SOX5: variants seen among roughly 807,000 people sequenced by gnomAD.
SOX5 encodes the protein SRY-box transcription factor 5.
In SOX5, 9 loss-of-function variants were observed where a neutral mutation model predicts 92.0. The observed-to-expected ratio is 0.10, with a 90% CI of 0.06 to 0.17. The LOEUF is 0.17. Among genes scored for constraint, SOX5 ranks in the 10% least tolerant of loss-of-function variants. The pLI is 1.00. For missense variants in SOX5, 642 were observed against 944.5 expected, an observed-to-expected ratio of 0.68 and a Z score of 4.20; for synonymous variants, 344 against 336.3, an observed-to-expected ratio of 1.02 and a Z score of -0.25.
At chr12:23,777,343 G>A (rs2095135989) in intron 3 of SOX5, among the ~76,000 whole-genome samples, 1 of 152,058 alleles carries the variant, frequency 6.6e-6, no homozygotes, top group Admixed American at 6.6e-5. Context: ...ATACAGGCAG[G>A]GATACTCTTG....
At chr12:24,361,921 C>T (rs569535386) in intron 2 of SOX5, among the ~76,000 whole-genome samples, 11 of 152,294 alleles carry the variant, frequency 7.2e-5, no homozygotes, top group Middle Eastern at 3.4e-3. Flanking sequence ...TCCAGAGCTA[C>T]GCTGATGACA....
intron 4 of SOX5, among the ~76,000 whole-genome samples, chr12:24,086,159 A>G (rs1943968672): frequency 6.6e-6 from 1 of 152,018 alleles, no homozygotes; most frequent in Admixed American, 6.6e-5. Context: ...ATTGGCAAAC[A>G]CAATTTGGCT....
chr12:23,653,669 G>A (rs887653558), intron 7 of SOX5, among the ~76,000 whole-genome samples: 1 of 152,082 alleles, frequency 6.6e-6, no homozygotes, highest in Admixed American at 6.6e-5. Context: ...AATAAATGGT[G>A]CATTCTTTCT....
intron 2 of SOX5, among the ~76,000 whole-genome samples, chr12:23,882,350 T>C (rs1228954163): frequency 1.3e-5 from 2 of 151,634 alleles, no homozygotes; most frequent in East Asian, 1.9e-4. Context: ...AAATGAAATA[T>C]TTAAAAAGTA....
At position 23,979,571 on chromosome 12, in the gene SOX5, GCCT is replaced by G. The variant is rs555096198; in HGVS notation, c.-1-83550_-1-83548del. ...ACTGTAGAACTGAGTAATTTTACTG[GCCT>G]CCTAAAAAAAGAAAATGTAATCTTA... On this transcript the variant is annotated intron_variant, in intron 4 of 4. Transcript: ENST00000446891. Among the ~76,000 whole-genome samples the G allele has an allele frequency of 2.1e-3, 320 of 151,082 alleles. 1 individual carries two copies. Among genetic ancestry groups the G allele is most frequent in the Non-Finnish European group, 3.6e-3 (242 of 67,762 alleles).
intron 9 of SOX5, among the ~76,000 whole-genome samples, chr12:23,600,522 C>CATACATATAT (rs2074309884): frequency 2.5e-5 from 1 of 39,802 alleles, no homozygotes; most frequent in Non-Finnish European, 5.3e-5. Context: ...GGGGGGGGTG[C>CATACATATAT]ATATATATAT....
chr12:23,734,699 G>A lies in SOX5; in HGVS notation c.795C>T (p.Leu265=), dbSNP rs142014018. The A allele has an allele frequency of 6.4e-4, 1,024 of 1,612,162 alleles. 9 individuals carry two copies. In the African/African-American group the frequency reaches 0.012, roughly 19 times the overall value. Residue 265 remains leucine, a synonymous_variant, in exon 6 of 15, where the codon CTC becomes CTT. Coordinates refer to ENST00000451604, the MANE Select transcript of SOX5 (RefSeq NM_006940.6). ...GATTTCTGACCTGGATCTGTTGCTG[G>A]AGCAAATTGATTTTGTGTTGTTGCT... The part of the protein sequence containing the change: ...LLQQQHKINL[L]QQQIQVQGQL...
chr12:24,374,377 C>T (rs897510354), intron 1 of SOX5, among the ~76,000 whole-genome samples: 12 of 152,220 alleles, frequency 7.9e-5, no homozygotes, highest in African/African-American at 2.2e-4. Flanking sequence ...AAAAAGCCAC[C>T]GCTAAAGGAA....
At chr12:24,150,064 G>C (rs918292965) in intron 4 of SOX5, among the ~76,000 whole-genome samples, 3 of 152,102 alleles carry the variant, frequency 2.0e-5, no homozygotes, top group Non-Finnish European at 4.4e-5. Context: ...TTTGATAATG[G>C]TGACTATTTT....
chr12:23,573,760 T>C (rs192727049), intron 10 of SOX5, among the ~76,000 whole-genome samples: 2 of 152,304 alleles, frequency 1.3e-5, no homozygotes, highest in African/African-American at 4.8e-5. Context: ...TATTTCGTGA[T>C]ATAAACTGTG....
chr12:24,410,360 G>T (rs1269661975), intron 1 of SOX5, among the ~76,000 whole-genome samples: 1 of 152,062 alleles, frequency 6.6e-6, no homozygotes, highest in Non-Finnish European at 1.5e-5. Context: ...CCAGCTTTTG[G>T]TATAAAATCT....
chr12:23,540,223 A>C (rs1214551935), intron 13 of SOX5, among the ~76,000 whole-genome samples: 1 of 151,968 alleles, frequency 6.6e-6, no homozygotes, highest in Non-Finnish European at 1.5e-5. Flanking sequence ...TAGAATAAAA[A>C]AGCAGAGAAG....
chr12:23,634,752 A>G (rs1305102282), intron 8 of SOX5, among the ~76,000 whole-genome samples: 4 of 152,166 alleles, frequency 2.6e-5, no homozygotes, highest in Non-Finnish European at 5.9e-5. Context: ...TTCTTCTATC[A>G]GCCAACCATG....
At chr12:24,283,698 A>G (rs950775373) in intron 2 of SOX5, among the ~76,000 whole-genome samples, 1 of 152,114 alleles carries the variant, frequency 6.6e-6, no homozygotes, top group Non-Finnish European at 1.5e-5. Context: ...TAGCTAGGGT[A>G]CTCCTATTTC....
rs74068468 is a variant in SOX5 at position 24,248,058 on chromosome 12, G to A, written c.-77+29158C>T. 9.0e-4 allele frequency among the ~76,000 whole-genome samples: 137 copies of A among 152,202 alleles called. 1 individual carries two copies. The highest frequency in any genetic ancestry group is 3.1e-3 in the African/African-American group (129 of 41,538). Reference sequence around the variant, plus strand: ...TTTAGAGTCTGGGTGGAGCCTTTGCGGAGCTTATCATTCAAGATGAAGTTT... The same window carrying A: ...TTTAGAGTCTGGGTGGAGCCTTTGCAGAGCTTATCATTCAAGATGAAGTTT... On this transcript the variant is annotated intron_variant, in intron 3 of 4. Transcript: ENST00000446891.
intron 4 of SOX5, among the ~76,000 whole-genome samples, chr12:24,013,966 G>A (rs1363840479): frequency 6.6e-6 from 1 of 152,136 alleles, no homozygotes; most frequent in Non-Finnish European, 1.5e-5. Flanking sequence ...ACTTGAGCTG[G>A]TATCTTCTTC....
At chr12:24,348,915 C>G (rs1470591069) in intron 2 of SOX5, among the ~76,000 whole-genome samples, 1 of 152,172 alleles carries the variant, frequency 6.6e-6, no homozygotes, top group African/African-American at 2.4e-5. Context: ...GTAAGACATG[C>G]CTTTGCTCCT....
exon 2 of SOX5, chr12:24,368,637 C>T (rs1956399834): frequency 6.6e-6 from 1 of 152,198 alleles, no homozygotes; most frequent in South Asian, 2.1e-4. Flanking sequence ...GCCAGCACAG[C>T]ACCTGGGATA....
intron 3 of SOX5, among the ~76,000 whole-genome samples, chr12:23,838,225 T>C (rs1393913409): frequency 1.4e-5 from 2 of 147,550 alleles, no homozygotes; most frequent in East Asian, 3.9e-4. Flanking sequence ...TTCTTTGTAA[T>C]TTAGAAAAAC....
Sources: allele counts gnomAD v4.1 joint callset (sites outside exome capture counted in the v4.1 genomes callset), GRCh38; gene constraint gnomAD v4.1.1; transcripts MANE v1.5; gene names NCBI Gene and HGNC (gene_info 2026-07-23, HGNC 2026-07-21).